The following OR4E1 variants were observed in gnomAD, a reference collection of about 807,000 sequenced individuals.
OR4E1 encodes olfactory receptor family 4 subfamily E member 1.
chr14:21,671,574 T>C (rs767019693), intron 1 of OR4E1, among the ~76,000 whole-genome samples: 3 of 152,154 alleles, frequency 2.0e-5, no homozygotes, highest in Non-Finnish European at 4.4e-5. Flanking sequence ...GATAAAACCC[T>C]GGAAGCCTTG....
intron 1 of OR4E1, among the ~76,000 whole-genome samples, chr14:21,672,439 G>A (rs893400702): frequency 8.5e-5 from 13 of 152,206 alleles, no homozygotes; most frequent in African/African-American, 2.9e-4. Context: ...TGTGTCCAGT[G>A]TTTGGATTAA....
intron 1 of OR4E1, 147 bp from the exon 2 acceptor site, chr14:21,671,099 C>G: frequency 2.5e-6 from 1 of 395,578 alleles, no homozygotes; most frequent in Non-Finnish European, 4.4e-6. Context: ...TCCCCATTAA[C>G]ATCTTACATG....
Position 21,670,612 on chromosome 14 carries a change from C to T in OR4E1, c.324G>A (p.Leu108=). 1 of 400,728 alleles carries T rather than the reference C, an allele frequency of 2.5e-6. No individual in the cohort carries two copies. The highest frequency in any genetic ancestry group is 4.4e-6 in the Non-Finnish European group (1 of 226,618). 24.8% of individuals were successfully genotyped at this position (400,728 alleles called of 1,614,324 possible). The change falls in exon 2 of 2, where the codon CTG becomes CTA. Residue 108 remains leucine (L), a synonymous_variant. Coordinates refer to ENST00000641792, the MANE Select transcript of OR4E1 (RefSeq NM_001317107.2). The part of the protein sequence containing the change: ...FDACVTQMFF[L]HLFACTEIFL... Reference sequence around the variant, plus strand: ...AGATCTCTGTGCAGGCAAAGAGGTGCAGGAAGAACATCTGGGTCACACAGG... The same window carrying T: ...AGATCTCTGTGCAGGCAAAGAGGTGTAGGAAGAACATCTGGGTCACACAGG...
At chr14:21,672,744 C>T (rs937491310) in intron 1 of OR4E1, among the ~76,000 whole-genome samples, 1 of 152,106 alleles carries the variant, frequency 6.6e-6, no homozygotes, top group African/African-American at 2.4e-5. Flanking sequence ...ACATTTTAAA[C>T]TAAACTTTTT....
At position 21,669,072 on chromosome 14, in the gene OR4E1, G is replaced by A. The variant is rs557405504; in HGVS notation, c.*916C>T. On this transcript the variant is annotated 3_prime_UTR_variant, in exon 2 of 2. Coordinates refer to ENST00000641792, the MANE Select transcript of OR4E1 (RefSeq NM_001317107.2). The stretch of plus-strand genomic sequence containing the variant: ...ACCGGCCATTTCCCCTGTCTAGAAT[G>A]TCCATCACCTCTCTTATGGCTGGCT... 1 of 152,146 alleles carries A rather than the reference G, an allele frequency of 6.6e-6. No homozygotes were observed. Among genetic ancestry groups the A allele is most frequent in the Non-Finnish European group, 1.5e-5 (1 of 68,048 alleles). 9.4% of individuals were successfully genotyped at this position (152,146 alleles called of 1,614,324 possible).
At chr14:21,672,841 GA>G (rs1305067760) in intron 1 of OR4E1, among the ~76,000 whole-genome samples, 3 of 152,178 alleles carry the variant, frequency 2.0e-5, no homozygotes, top group Admixed American at 2.0e-4. Flanking sequence ...GCAGTAGAAA[GA>G]ATATGGTGCA....
At position 21,668,994 on chromosome 14, in the gene OR4E1, T is replaced by C. The variant is rs1038734693; in HGVS notation, c.*994A>G. On this transcript the variant is annotated 3_prime_UTR_variant, in exon 2 of 2. Transcript: ENST00000641792. ...CTTATAGTCTAAGCTGTAATCACAC[T>C]GATCATTTACTTCCTTGAACAAGCC... The C allele has an allele frequency of 1.3e-5, 2 of 152,232 alleles. No individual in the cohort carries two copies. The highest frequency in any genetic ancestry group is 2.4e-5 in the African/African-American group (1 of 41,466). The allele number at this position is 152,232 out of a possible 1,614,324, so 9.4% of individuals were successfully genotyped here.
In OR4E1 at chr14:21,670,083, G is replaced by C. The variant is rs1880849671; in HGVS notation, c.853C>G (p.Leu285Val). 4 of 398,576 alleles carry C rather than the reference G, an allele frequency of 1.0e-5. No homozygotes were observed. The highest frequency in any genetic ancestry group is 1.8e-5 in the Non-Finnish European group (4 of 226,150). 24.7% of individuals were successfully genotyped at this position (398,576 alleles called of 1,614,324 possible). The change falls in exon 2 of 2, where the codon CTG (leucine) becomes GTG (valine). Residue 285 changes from leucine (L) to valine (V), a missense_variant. Physicochemically the swap from Leu to Val is conservative, Grantham distance 32. Transcript: ENST00000641792. ...VSVFFTAVTP[L>V]LNPIIYTLRN... ...AGGGTATAGATAATGGGGTTCAGCAGGGGGGTGACTGCAGTGAAAAACACA... is the reference window on the plus strand; with the variant it reads ...AGGGTATAGATAATGGGGTTCAGCACGGGGGTGACTGCAGTGAAAAACACA...
chr14:21,671,484 G>A (rs888544959), intron 1 of OR4E1, among the ~76,000 whole-genome samples: 33 of 152,162 alleles, frequency 2.2e-4, no homozygotes, highest in African/African-American at 7.7e-4. Context: ...AACTTTCAGA[G>A]GGCAGAAGCT....
Position 21,668,365 on chromosome 14 carries a change from A to G in OR4E1, c.*1623T>C, listed in dbSNP as rs1244852392. 1.3e-5 allele frequency: 1 copy of G among 75,020 alleles called. No individual in the cohort carries two copies. Among genetic ancestry groups the G allele is most frequent in the Non-Finnish European group, 3.1e-5 (1 of 31,790 alleles). 4.6% of individuals were successfully genotyped at this position (75,020 alleles called of 1,614,324 possible). A position where few individuals can be genotyped will look rare whatever the true frequency, so the allele number is the denominator to read the frequency against. On this transcript the variant is annotated 3_prime_UTR_variant, in exon 2 of 2. Transcript: ENST00000641792. ...GTCACTTGAATATCCTTCCTAACAC[A>G]TTTCCTAGCAAATAAAAATTTTCCT...
At chr14:21,672,405 T>C (rs1881003330) in intron 1 of OR4E1, among the ~76,000 whole-genome samples, 2 of 152,324 alleles carry the variant, frequency 1.3e-5, no homozygotes. Flanking sequence ...AGTCCTTCAG[T>C]TAACACTTAA....
Position 21,668,337 on chromosome 14 carries a change from T to A in OR4E1, c.*1651A>T, listed in dbSNP as rs1880752247. The A allele has an allele frequency of 6.6e-6, 1 of 152,242 alleles. No individual in the cohort carries two copies. The highest frequency in any genetic ancestry group is 1.5e-5 in the Non-Finnish European group (1 of 68,050). The allele number at this position is 152,242 out of a possible 1,614,324, so 9.4% of individuals were successfully genotyped here. ...TATTTTACATAAATTTTATAATTCT[T>A]GTGTCACTTGAATATCCTTCCTAAC... On this transcript the variant is annotated 3_prime_UTR_variant, in exon 2 of 2. Transcript: ENST00000641792.
chr14:21,671,092 C>T (rs551000555), intron 1 of OR4E1, 140 bp from the exon 2 acceptor site: 9 of 395,768 alleles, frequency 2.3e-5, no homozygotes, highest in Non-Finnish European at 3.6e-5. Context: ...TTAAAAATCC[C>T]CATTAACATC....
intron 1 of OR4E1, among the ~76,000 whole-genome samples, chr14:21,672,533 C>T (rs560413288): frequency 3.0e-4 from 46 of 152,300 alleles, no homozygotes; most frequent in Middle Eastern, 3.4e-3. Flanking sequence ...GAAGCTTTTG[C>T]TCCAAGAAGT....
chr14:21,672,083 T>G (rs1227529448), intron 1 of OR4E1, among the ~76,000 whole-genome samples: 1 of 152,170 alleles, frequency 6.6e-6, no homozygotes, highest in South Asian at 2.1e-4. Context: ...CTTAGTGGCC[T>G]CTCTCTTCCT....
intron 1 of OR4E1, among the ~76,000 whole-genome samples, chr14:21,672,544 G>C (rs1431564294): frequency 1.3e-5 from 2 of 152,166 alleles, no homozygotes; most frequent in African/African-American, 4.8e-5. Flanking sequence ...TCCAAGAAGT[G>C]ATTTTAAGTG....
rs879931273 is a variant in OR4E1, at chr14:21,669,741, T to C, written c.*247A>G. ...TTACTCTCCTCGAGCTTTAGTTTCT[T>C]CATGTACAAACAAGCATCATAATAT... On this transcript the variant is annotated 3_prime_UTR_variant, in exon 2 of 2. Transcript: ENST00000641792. 7.6e-6 allele frequency: 2 copies of C among 263,176 alleles called. No homozygotes were observed. The highest frequency in any genetic ancestry group is 1.1e-3 in the Middle Eastern group (1 of 898). 16.3% of individuals were successfully genotyped at this position (263,176 alleles called of 1,614,324 possible).
chr14:21,672,889 AG>A (rs1881027892), intron 1 of OR4E1, among the ~76,000 whole-genome samples, 200 bp downstream of exon 1: 1 of 152,226 alleles, frequency 6.6e-6, no homozygotes. Flanking sequence ...ATACATTTCA[AG>A]GAAATGGGGA....
chr14:21,669,638 G>A lies in OR4E1; in HGVS notation c.*350C>T, dbSNP rs944569299. On this transcript the variant is annotated 3_prime_UTR_variant, in exon 2 of 2. Coordinates refer to ENST00000641792, the MANE Select transcript of OR4E1 (RefSeq NM_001317107.2). ...AGAGGCAGCATATGTTGTGAAAAGA[G>A]CTTGAGTTTCTGTTGATCCACTTGG... 6.3e-6 allele frequency: 1 copy of A among 159,204 alleles called. No homozygotes were observed. The highest frequency in any genetic ancestry group is 2.4e-5 in the African/African-American group (1 of 41,724). The allele number at this position is 159,204 out of a possible 1,614,324, so 9.9% of individuals were successfully genotyped here. A position where few individuals can be genotyped will look rare whatever the true frequency, so the allele number is the denominator to read the frequency against.
Sources: gnomAD v4.1 joint callset for allele counts (sites outside exome capture counted in the v4.1 genomes callset) on GRCh38, gnomAD v4.1.1 for gene constraint, MANE v1.5 for transcripts, NCBI Gene and HGNC (gene_info 2026-07-23, HGNC 2026-07-21) for gene names.